FSTL4: variants seen among roughly 807,000 people sequenced by gnomAD.
FSTL4 encodes follistatin-related protein 4.
A neutral mutation model predicts 78.2 loss-of-function variants in FSTL4; 28 were observed. The ratio of observed to expected loss-of-function variants is 0.36; its 90% CI spans 0.27 to 0.49. FSTL4 has a LOEUF of 0.49. Ranked by LOEUF, FSTL4 falls within the 20% of genes least tolerant of loss-of-function variation. FSTL4 has a pLI of 0.98. For missense variants in FSTL4, 922 were observed against 1,084.9 expected, an observed-to-expected ratio of 0.85 and a Z score of 2.11; for synonymous variants, 422 against 440.5, an observed-to-expected ratio of 0.96 and a Z score of 0.53.
At chr5:133,772,726 C>T in the FSTL4 span, among the ~76,000 whole-genome samples, 1 of 152,112 alleles carries the variant, frequency 6.6e-6, no homozygotes, top group African/African-American at 2.4e-5. Context: ...AATAACAAAC[C>T]CACTTCCAAG....
chr5:133,802,976 C>T, the FSTL4 span, among the ~76,000 whole-genome samples: 3 of 152,150 alleles, frequency 2.0e-5, no homozygotes, highest in African/African-American at 4.8e-5. Context: ...GCTGGGGCCA[C>T]GTAAGCCTGG....
rs551523217 is a variant in FSTL4, at chr5:133,470,482, C to T, written c.161-69496G>A. 1.1e-4 allele frequency among the ~76,000 whole-genome samples: 17 copies of T among 152,316 alleles called. No homozygotes were observed. In the East Asian group the frequency reaches 1.5e-3, roughly 14 times the overall value. On this transcript the variant is annotated intron_variant, in intron 3 of 15. Transcript: ENST00000265342. Reference sequence around the variant, plus strand: ...GTCTTAGGCTGGGCGCAGTGGCTCACGCCTGTAATTGCAGCATTTTGGGAC... The same window carrying T: ...GTCTTAGGCTGGGCGCAGTGGCTCATGCCTGTAATTGCAGCATTTTGGGAC...
At chr5:133,430,888 G>A (rs1032674540) in intron 3 of FSTL4, among the ~76,000 whole-genome samples, 5 of 152,208 alleles carry the variant, frequency 3.3e-5, no homozygotes, top group South Asian at 2.1e-4. Flanking sequence ...AGAGGAAAAG[G>A]ACACCTTATA....
chr5:133,524,276 AT>A (rs1759045235), intron 3 of FSTL4, among the ~76,000 whole-genome samples: 1 of 152,196 alleles, frequency 6.6e-6, no homozygotes. Context: ...AAGAAATTGG[AT>A]TTTATCCTAA....
intron 11 of FSTL4, among the ~76,000 whole-genome samples, chr5:133,223,190 G>A (rs547950097): frequency 1.3e-5 from 2 of 152,242 alleles, no homozygotes; most frequent in East Asian, 3.8e-4. Flanking sequence ...AGCTGTGAGA[G>A]CCTAAGGGGC....
intron 3 of FSTL4, among the ~76,000 whole-genome samples, chr5:133,530,265 C>T (rs1759223841): frequency 6.6e-6 from 1 of 152,164 alleles, no homozygotes; most frequent in Non-Finnish European, 1.5e-5. Context: ...GCAGCATGAG[C>T]CAAGAGCACT....
intron 4 of FSTL4, among the ~76,000 whole-genome samples, chr5:133,321,878 G>C (rs1160635963): frequency 6.6e-6 from 1 of 152,220 alleles, no homozygotes; most frequent in Non-Finnish European, 1.5e-5. Context: ...GACCCGCAGG[G>C]GACCTGCTTC....
chr5:133,596,573 C>T (rs413337), intron 2 of FSTL4, among the ~76,000 whole-genome samples: 17,484 of 152,158 alleles, frequency 0.11, 1,194 homozygotes, highest in African/African-American at 0.19. Flanking sequence ...AGAAGGGTTT[C>T]GATTTGCACC....
At chr5:133,309,554 C>T (rs994257540) in intron 6 of FSTL4, among the ~76,000 whole-genome samples, 4 of 152,176 alleles carry the variant, frequency 2.6e-5, no homozygotes, top group African/African-American at 9.7e-5. Context: ...CACGAACCAG[C>T]TCAGCACAGA....
intron 6 of FSTL4, among the ~76,000 whole-genome samples, chr5:133,286,216 TCA>T (rs1581593735): frequency 1.3e-5 from 2 of 152,254 alleles, no homozygotes; most frequent in Admixed American, 6.5e-5. Flanking sequence ...TCTCTGGACC[TCA>T]GTTTCCTCTT....
the FSTL4 span, among the ~76,000 whole-genome samples, chr5:133,751,355 T>A: frequency 6.6e-6 from 1 of 152,236 alleles, no homozygotes; most frequent in East Asian, 1.9e-4. Flanking sequence ...CAATACACAG[T>A]GTATTTCAGC....
intron 2 of FSTL4, among the ~76,000 whole-genome samples, chr5:133,572,541 C>T (rs559767238): frequency 3.9e-5 from 6 of 151,940 alleles, no homozygotes; most frequent in East Asian, 1.9e-4. Flanking sequence ...TACTTTATAG[C>T]GAACTTTTAA....
chr5:133,369,532 G>T (rs1216861752), intron 4 of FSTL4, among the ~76,000 whole-genome samples: 1 of 152,198 alleles, frequency 6.6e-6, no homozygotes, highest in Non-Finnish European at 1.5e-5. Context: ...GCAGGGGGTT[G>T]GGTGGGAGGA....
intron 4 of FSTL4, among the ~76,000 whole-genome samples, chr5:133,365,701 C>T (rs1040750983): frequency 7.9e-5 from 12 of 152,230 alleles, no homozygotes; most frequent in Non-Finnish European, 1.6e-4. Context: ...AGAACTCAGC[C>T]GTACTGCTGT....
the FSTL4 span, among the ~76,000 whole-genome samples, chr5:133,727,244 A>T: frequency 6.6e-6 from 1 of 152,162 alleles, no homozygotes; most frequent in African/African-American, 2.4e-5. Context: ...TGACTATAAG[A>T]TTTAGCTTGA....
rs1384614811 is a variant in FSTL4 at position 133,225,292 on chromosome 5, C to T, written c.1178-8G>A. 9.3e-6 allele frequency: 15 copies of T among 1,614,188 alleles called. No individual in the cohort carries two copies. Among genetic ancestry groups the T allele is most frequent in the Non-Finnish European group, 1.2e-5 (14 of 1,180,040 alleles). ...GGAGTTCGCTCCCATTGGCTGCAGA[C>T]AGGACAGTGCTCAGGGTGGACTGCT... On this transcript the variant is annotated splice_region_variant and splice_polypyrimidine_tract_variant and intron_variant, in intron 9 of 15. Coordinates refer to ENST00000265342, the MANE Select transcript of FSTL4 (RefSeq NM_015082.2). This position sits in a 1 kb window ranked among gnomAD's most constrained non-coding sequence, Gnocchi z 4.6.
chr5:133,794,799 T>C, the FSTL4 span, among the ~76,000 whole-genome samples: 1 of 152,268 alleles, frequency 6.6e-6, no homozygotes, highest in Non-Finnish European at 1.5e-5. Flanking sequence ...CCCAGACTCC[T>C]GGTCAGCAGT....
intron 4 of FSTL4, among the ~76,000 whole-genome samples, chr5:133,337,279 C>G (rs1052033739): frequency 2.0e-5 from 3 of 152,200 alleles, no homozygotes; most frequent in African/African-American, 7.2e-5. Flanking sequence ...CACCTGTGAC[C>G]CAAATGCAAG....
intron 12 of FSTL4, among the ~76,000 whole-genome samples, chr5:133,220,431 A>C (rs1751055923): frequency 6.6e-6 from 1 of 152,236 alleles, no homozygotes; most frequent in South Asian, 2.1e-4. Context: ...GGCTACTGAG[A>C]AAACACATGT....
Sources: allele counts gnomAD v4.1 joint callset (sites outside exome capture counted in the v4.1 genomes callset), GRCh38; gene constraint gnomAD v4.1.1; non-coding constraint Gnocchi (gnomAD v3.1); transcripts MANE v1.5; gene names NCBI Gene and HGNC (gene_info 2026-07-23, HGNC 2026-07-21).